Variants in LNX1 observed in about 807,000 individuals in gnomAD.
LNX1 encodes ligand of numb-protein X 1.
A neutral mutation model predicts 68.4 loss-of-function variants in LNX1; 54 were observed. The ratio of observed to expected loss-of-function variants is 0.79; its 90% CI spans 0.63 to 0.99. The LOEUF is 0.99. Among genes scored for constraint, LNX1 ranks in the 50% least tolerant of loss-of-function variants. LNX1 has a pLI of 0.00. For synonymous variants in LNX1, 336 were observed against 350.0 expected (o/e 0.96, Z 0.45); for missense variants, 906 against 926.4 (o/e 0.98, Z 0.29).
intron 1 of LNX1, among the ~76,000 whole-genome samples, chr4:53,580,086 G>A (rs893578606): frequency 1.3e-5 from 2 of 152,166 alleles, no homozygotes; most frequent in African/African-American, 2.4e-5. Context: ...TCAAAAGGAA[G>A]CCTGACAGAT....
chr4:53,588,260 TG>T (rs1732296469), intron 1 of LNX1, among the ~76,000 whole-genome samples: 1 of 152,238 alleles, frequency 6.6e-6, no homozygotes, highest in South Asian at 2.1e-4. Flanking sequence ...ATGGTAGAAC[TG>T]GGTCTGATAC....
At chr4:53,590,204 G>A (rs552648423) in intron 1 of LNX1, among the ~76,000 whole-genome samples, 1 of 152,300 alleles carries the variant, frequency 6.6e-6, no homozygotes, top group African/African-American at 2.4e-5. Flanking sequence ...TAGTGGTGAG[G>A]AACGACTGTC....
chr4:53,546,983 G>T (rs928144653), intron 2 of LNX1, among the ~76,000 whole-genome samples: 1 of 152,170 alleles, frequency 6.6e-6, no homozygotes. Flanking sequence ...CTCAGCTCAA[G>T]TCAGCCATTT....
At chr4:53,560,109 T>C (rs1037514772) in intron 2 of LNX1, among the ~76,000 whole-genome samples, 3 of 152,220 alleles carry the variant, frequency 2.0e-5, no homozygotes, top group Non-Finnish European at 4.4e-5. Flanking sequence ...ATCCTAAATA[T>C]GGAGTTTCAC....
intron 5 of LNX1, among the ~76,000 whole-genome samples, chr4:53,497,078 T>C (rs1360692382): frequency 1.3e-5 from 2 of 152,238 alleles, no homozygotes; most frequent in Non-Finnish European, 2.9e-5. Context: ...CAAACTGATA[T>C]GAAAGGAAGT....
Position 53,476,971 on chromosome 4 carries a change from C to G in LNX1, c.1674G>C (p.Leu558Phe). The change falls in exon 9 of 11, where the codon TTG becomes TTC. Residue 558 changes from leucine (L) to phenylalanine (F), a missense_variant. Coordinates refer to ENST00000263925, the MANE Select transcript of LNX1 (RefSeq NM_001126328.3). ...RDGRIKTGDI[L>F]LNVDGVELTE... Reference sequence around the variant, plus strand: ...TCAGTTCGACCCCATCCACATTCAACAAAATGTCACCTGATGGCCAGAGAA... The same window carrying G: ...TCAGTTCGACCCCATCCACATTCAAGAAAATGTCACCTGATGGCCAGAGAA... 1.2e-6 allele frequency: 2 copies of G among 1,613,780 alleles called. No homozygotes were observed. The highest frequency in any genetic ancestry group is 1.7e-6 in the Non-Finnish European group (2 of 1,179,820).
chr4:53,527,827 C>T (rs1727733384), intron 2 of LNX1, among the ~76,000 whole-genome samples: 1 of 152,166 alleles, frequency 6.6e-6, no homozygotes, highest in Non-Finnish European at 1.5e-5. Context: ...AAAGTTGCCT[C>T]CTCCCTGACA....
intron 2 of LNX1, among the ~76,000 whole-genome samples, chr4:53,570,664 T>TAATAAATA (rs200529974): frequency 0.2 from 29,232 of 143,542 alleles, 3,177 homozygotes; most frequent in East Asian, 0.25. Flanking sequence ...TAAAGTATAA[T>TAATAAATA]AATAAATAAA....
At chr4:53,545,950 G>A (rs1729087413) in intron 2 of LNX1, among the ~76,000 whole-genome samples, 1 of 151,974 alleles carries the variant, frequency 6.6e-6, no homozygotes, top group African/African-American at 2.4e-5. Flanking sequence ...TGGTAGTACA[G>A]TGCACCTCAC....
rs149789223 is a variant in LNX1 at position 53,491,792 on chromosome 4, C to CTTTTTTTTTTTTTTTTTTTTTTTTTTTTT, written c.1350+4230_1350+4231insAAAAAAAAAAAAAAAAAAAAAAAAAAAAA. ...TGCTTTAAGTGCTGAGGATACGATA[C>CTTTTTTTTTTTTTTTTTTTTTTTTTTTTT]TTTTTTTTGTTTGTTTGTTTTTTGA... On this transcript the variant is annotated intron_variant, in intron 6 of 10. Coordinates refer to ENST00000263925, the MANE Select transcript of LNX1 (RefSeq NM_001126328.3). Among the ~76,000 whole-genome samples the CTTTTTTTTTTTTTTTTTTTTTTTTTTTTT allele has an allele frequency of 3.2e-5, 2 of 62,254 alleles. 1 individual carries two copies. 40.8% of individuals were successfully genotyped at this position (62,254 alleles called of 152,430 possible).
intron 2 of LNX1, among the ~76,000 whole-genome samples, chr4:53,518,291 A>G (rs1042110729): frequency 7.2e-5 from 11 of 152,210 alleles, no homozygotes; most frequent in Non-Finnish European, 1.2e-4. Flanking sequence ...TGGATCACCT[A>G]GTGCTGAACA....
intron 2 of LNX1, among the ~76,000 whole-genome samples, chr4:53,599,451 T>TATTTAGC (rs1193773520): frequency 2.6e-5 from 4 of 152,236 alleles, no homozygotes; most frequent in African/African-American, 9.6e-5. Context: ...TTATTTAGCA[T>TATTTAGC]ATATCAAGAA....
intron 2 of LNX1, among the ~76,000 whole-genome samples, chr4:53,529,447 TTACATTCACATATTTC>T (rs1394328760): frequency 6.6e-6 from 1 of 152,184 alleles, no homozygotes; most frequent in African/African-American, 2.4e-5. Flanking sequence ...AGCTACTGCT[TTACATTCACATATTTC>T]TACATTCACA....
chr4:53,484,857 A>G (rs147176050), intron 6 of LNX1, among the ~76,000 whole-genome samples: 53 of 152,320 alleles, frequency 3.5e-4, no homozygotes, highest in African/African-American at 1.3e-3. Context: ...AAAGGGCCCA[A>G]AAAAGAAGTT....
chr4:53,508,892 GTT>G (rs1375586085), intron 2 of LNX1, among the ~76,000 whole-genome samples: 1 of 151,850 alleles, frequency 6.6e-6, no homozygotes, highest in African/African-American at 2.4e-5. Context: ...AGCTTTTGTG[GTT>G]TTTAGCAAAA....
intron 4 of LNX1, among the ~76,000 whole-genome samples, chr4:53,500,986 A>G (rs1356164137): frequency 6.6e-6 from 1 of 152,164 alleles, no homozygotes; most frequent in Non-Finnish European, 1.5e-5. Context: ...CTAAACCGCT[A>G]GAGAATGTTT....
chr4:53,584,056 A>G (rs1437887178), intron 1 of LNX1, among the ~76,000 whole-genome samples: 2 of 152,222 alleles, frequency 1.3e-5, no homozygotes, highest in African/African-American at 4.8e-5. Flanking sequence ...GGAAGAGCTG[A>G]TATCAGAGGG....
At position 53,498,810 on chromosome 4, in the gene LNX1, C is replaced by T. The variant is rs1249088000; in HGVS notation, c.809G>A (p.Gly270Asp). 1 of 1,613,950 alleles carries T rather than the reference C, an allele frequency of 6.2e-7. No homozygotes were observed. Among genetic ancestry groups the T allele is most frequent in the Non-Finnish European group, 8.5e-7 (1 of 1,179,932 alleles). The change falls in exon 5 of 11, where the codon GGT (glycine) becomes GAT (aspartate). Residue 270 changes from glycine (G) to aspartate (D), a missense_variant. Gly to Asp is a moderately conservative substitution (Grantham distance 94). Coordinates refer to ENST00000263925, the MANE Select transcript of LNX1 (RefSeq NM_001126328.3). The part of the protein sequence containing the change: ...FPRLYHLIPD[G>D]EITSIKINRV... ...ATTGATCTTGATGCTGGTAATTTCACCATCTGGAATCAGGTGGTACAACCT... is the reference window on the plus strand; with the variant it reads ...ATTGATCTTGATGCTGGTAATTTCATCATCTGGAATCAGGTGGTACAACCT...
chr4:53,574,037 TCA>T lies in LNX1; in HGVS notation c.-37_-36del, dbSNP rs768068783. On this transcript the variant is annotated 5_prime_UTR_variant, in exon 2 of 11. Transcript: ENST00000263925. Reference sequence around the variant, plus strand: ...GAGAGCAGTATAACAGGAAACTCAGTCACACAATATTTCCTCAGGAGCAAGTC... The same window carrying T: ...GAGAGCAGTATAACAGGAAACTCAGTCACAATATTTCCTCAGGAGCAAGTC... 2 of 1,571,648 alleles carry T rather than the reference TCA, an allele frequency of 1.3e-6. No homozygotes were observed. The highest frequency in any genetic ancestry group is 3.6e-5 in the Admixed American group (2 of 56,070).
Sources: gnomAD v4.1 joint callset for allele counts (sites outside exome capture counted in the v4.1 genomes callset) on GRCh38, gnomAD v4.1.1 for gene constraint, MANE v1.5 for transcripts, NCBI Gene and HGNC (gene_info 2026-07-23, HGNC 2026-07-21) for gene names.